LRP1B: variants seen among roughly 807,000 people sequenced by gnomAD.
The protein encoded by LRP1B is LDL receptor related protein 1B.
Under a neutral mutation model 556.6 loss-of-function variants are expected in LRP1B, and 217 were observed. That is an observed-to-expected ratio of 0.39 (90% CI 0.35 to 0.44). The LOEUF (loss-of-function observed/expected upper bound fraction) is 0.44. Ranked by LOEUF, LRP1B falls within the 20% of genes least tolerant of loss-of-function variation. The pLI, the probability that LRP1B is intolerant of heterozygous loss-of-function variation, is 1.00. For missense variants in LRP1B, 5,053 were observed against 5,620.8 expected, an observed-to-expected ratio of 0.90 and a Z score of 3.23; for synonymous variants, 2,047 against 1,865.8, an observed-to-expected ratio of 1.10 and a Z score of -2.50.
intron 3 of LRP1B, among the ~76,000 whole-genome samples, chr2:141,423,290 C>CTTTT (rs1176569388): frequency 2.9e-5 from 2 of 68,376 alleles, no homozygotes; most frequent in African/African-American, 5.2e-5. Flanking sequence ...ACAGCCAGAG[C>CTTTT]TTTTTTTTTT....
chr2:142,042,360 A>G (rs1040023334), intron 1 of LRP1B, among the ~76,000 whole-genome samples: 2 of 151,476 alleles, frequency 1.3e-5, no homozygotes, highest in Admixed American at 1.3e-4. Flanking sequence ...TCGTTGGTGA[A>G]GGCTGAGCTA....
chr2:141,558,335 T>C (rs937872270), intron 2 of LRP1B, among the ~76,000 whole-genome samples: 2 of 151,668 alleles, frequency 1.3e-5, no homozygotes, highest in Non-Finnish European at 2.9e-5. Flanking sequence ...TCGTCAGGCC[T>C]TATGAGAAAA....
intron 43 of LRP1B, among the ~76,000 whole-genome samples, chr2:140,595,061 T>C (rs186462097): frequency 0.04 from 5,383 of 136,180 alleles, 163 homozygotes; most frequent in Middle Eastern, 0.088. Context: ...GTTTTGCAGA[T>C]CTACTTAAAA....
At chr2:141,428,560 G>A (rs779322971) in intron 3 of LRP1B, among the ~76,000 whole-genome samples, 1 of 152,108 alleles carries the variant, frequency 6.6e-6, no homozygotes, top group Non-Finnish European at 1.5e-5. Context: ...AATGTCATCT[G>A]CTTCCATCTG....
At chr2:141,834,564 G>A (rs1470018151) in intron 1 of LRP1B, among the ~76,000 whole-genome samples, 2 of 151,820 alleles carry the variant, frequency 1.3e-5, no homozygotes, top group Admixed American at 6.6e-5. Context: ...GAAAGCTAAC[G>A]AGTTCTGTTT....
At chr2:141,269,811 A>G (rs964486700) in intron 3 of LRP1B, among the ~76,000 whole-genome samples, 4 of 152,214 alleles carry the variant, frequency 2.6e-5, no homozygotes, top group African/African-American at 9.6e-5. Flanking sequence ...TCTGCCTTTC[A>G]GAAGCCCCAG....
chr2:141,891,545 A>C (rs1259759124), intron 1 of LRP1B, among the ~76,000 whole-genome samples: 1 of 152,084 alleles, frequency 6.6e-6, no homozygotes, highest in Non-Finnish European at 1.5e-5. Flanking sequence ...TTTTATGCAT[A>C]CTCCGCATAG....
chr2:141,233,193 A>C (rs1317800938), intron 5 of LRP1B, among the ~76,000 whole-genome samples: 1 of 152,212 alleles, frequency 6.6e-6, no homozygotes, highest in African/African-American at 2.4e-5. Context: ...ACTTAGTGAG[A>C]GGTAATGAAC....
intron 66 of LRP1B, among the ~76,000 whole-genome samples, chr2:140,403,581 A>G (rs969079726): frequency 2.0e-5 from 3 of 152,194 alleles, no homozygotes; most frequent in Non-Finnish European, 4.4e-5. Context: ...AGATAAAGAA[A>G]AAAGAATCAA....
chr2:141,375,776 G>T (rs1173682068), intron 3 of LRP1B, among the ~76,000 whole-genome samples: 2 of 152,152 alleles, frequency 1.3e-5, no homozygotes, highest in African/African-American at 4.8e-5. Context: ...GCCGTGGGTG[G>T]TGCTTTCTAC....
chr2:141,018,461 T>C (rs980194961), intron 12 of LRP1B, among the ~76,000 whole-genome samples: 3 of 152,138 alleles, frequency 2.0e-5, no homozygotes, highest in Non-Finnish European at 2.9e-5. Context: ...GTAGATGCTA[T>C]AGGTTTCTAA....
At chr2:141,031,126 T>A (rs13033183) in intron 11 of LRP1B, among the ~76,000 whole-genome samples, 58,810 of 151,554 alleles carry the variant, frequency 0.39, 11,677 homozygotes, top group East Asian at 0.59. Flanking sequence ...AACAGATATT[T>A]TGTCAATAAA....
chr2:141,735,393 G>A (rs1026842969), intron 2 of LRP1B, among the ~76,000 whole-genome samples: 8 of 151,848 alleles, frequency 5.3e-5, no homozygotes, highest in Middle Eastern at 3.4e-3. Context: ...AGGAAAGCCC[G>A]GGTAAGAGAT....
intron 3 of LRP1B, among the ~76,000 whole-genome samples, chr2:141,368,659 G>A (rs1192298613): frequency 6.6e-6 from 1 of 152,122 alleles, no homozygotes; most frequent in Non-Finnish European, 1.5e-5. Context: ...ATGATACCCA[G>A]GCTGTTAGTT....
chr2:141,936,808 G>A (rs1257235559), intron 1 of LRP1B, among the ~76,000 whole-genome samples: 2 of 151,826 alleles, frequency 1.3e-5, no homozygotes, highest in Non-Finnish European at 2.9e-5. Flanking sequence ...TGTTATTCAA[G>A]GAACATTAAT....
chr2:141,609,916 T>C (rs1453835340), intron 2 of LRP1B, among the ~76,000 whole-genome samples: 3 of 152,228 alleles, frequency 2.0e-5, no homozygotes, highest in Non-Finnish European at 2.9e-5. Flanking sequence ...ATATAGCTAA[T>C]GTATGTCCTG....
intron 41 of LRP1B, among the ~76,000 whole-genome samples, chr2:140,666,630 G>A (rs58314345): frequency 0.015 from 2,222 of 152,188 alleles, 53 homozygotes; most frequent in African/African-American, 0.049. Context: ...GCATTCTGAT[G>A]TAATCAAGAA....
intron 72 of LRP1B, among the ~76,000 whole-genome samples, chr2:140,360,580 G>T (rs111931451): frequency 6.6e-6 from 1 of 151,290 alleles, no homozygotes; most frequent in African/African-American, 2.4e-5. Context: ...CACCACCTCC[G>T]CCCCAGTTTA....
In LRP1B at chr2:141,429,118, G is replaced by A. The variant is rs1208971806; in HGVS notation, c.343+51278C>T. ...AATAATTATTGGGTATTCCAAGTAA[G>A]TTGGGTATAATGATAAACAGCCAGA... is the stretch of plus-strand genomic sequence containing the variant. On this transcript the variant is annotated intron_variant, in intron 3 of 90. Coordinates refer to ENST00000389484, the MANE Select transcript of LRP1B (RefSeq NM_018557.3). Among the ~76,000 whole-genome samples the A allele has an allele frequency of 3.3e-5, 5 of 152,252 alleles. No homozygotes were observed. The East Asian group carries it at 9.7e-4, about 30-fold the overall frequency.
Sources: gnomAD v4.1 joint callset for allele counts (sites outside exome capture counted in the v4.1 genomes callset) on GRCh38, gnomAD v4.1.1 for gene constraint, MANE v1.5 for transcripts, NCBI Gene and HGNC (gene_info 2026-07-23, HGNC 2026-07-21) for gene names.